The following LRMDA variants were observed in gnomAD, a reference collection of about 807,000 sequenced individuals.
LRMDA encodes leucine-rich melanocyte differentiation-associated protein.
A neutral mutation model predicts 29.8 loss-of-function variants in LRMDA; 18 were observed. The ratio of observed to expected loss-of-function variants is 0.60; its 90% CI spans 0.42 to 0.90. The LOEUF (loss-of-function observed/expected upper bound fraction) is 0.90, where lower values mean the gene tolerates loss of function less well. Ranked by LOEUF, LRMDA falls within the 40% of genes least tolerant of loss-of-function variation. LRMDA has a pLI of 0.00. For missense variants in LRMDA, 273 were observed against 273.9 expected (o/e 1.00, Z 0.02); for synonymous variants, 125 against 109.4 (o/e 1.14, Z -0.89).
chr10:76,077,258 T>C (rs59547800), intron 5 of LRMDA, among the ~76,000 whole-genome samples: 6,927 of 152,282 alleles, frequency 0.045, 532 homozygotes, highest in African/African-American at 0.16. Flanking sequence ...TTAGAGGTGA[T>C]GGCGACCAGA....
At chr10:76,145,874 G>T (rs560606214) in intron 5 of LRMDA, among the ~76,000 whole-genome samples, 6 of 151,208 alleles carry the variant, frequency 4.0e-5, no homozygotes, top group African/African-American at 1.5e-4. Context: ...GTGTCCCAGA[G>T]ATTCTGGTAT....
intron 5 of LRMDA, among the ~76,000 whole-genome samples, chr10:76,281,750 T>C (rs1840209092): frequency 6.6e-6 from 1 of 152,192 alleles, no homozygotes; most frequent in Admixed American, 6.5e-5. Context: ...CTCCCAATGC[T>C]GCCTCCACTA....
intron 5 of LRMDA, among the ~76,000 whole-genome samples, chr10:76,098,260 C>A (rs190924476): frequency 6.6e-6 from 1 of 152,110 alleles, no homozygotes; most frequent in Non-Finnish European, 1.5e-5. Flanking sequence ...GTAGAATTCA[C>A]TAGCAAATAT....
At chr10:75,600,440 C>A (rs576320059) in intron 2 of LRMDA, among the ~76,000 whole-genome samples, 1 of 152,238 alleles carries the variant, frequency 6.6e-6, no homozygotes, top group Non-Finnish European at 1.5e-5. Flanking sequence ...GGATCAGATA[C>A]ATCATCCTCC....
rs888212598 is a variant in LRMDA at position 75,782,935 on chromosome 10, C to T, written c.132-253073C>T. 8 of 1,612,882 alleles carry T rather than the reference C, an allele frequency of 5.0e-6. No homozygotes were observed. In the African/African-American group the frequency reaches 1.1e-4, roughly 22 times the overall value. ...CAACAGTGGCATCTGCTCAGTGTAG[C>T]CATCAAGAATTTGAATGTCAATATC... On this transcript the variant is annotated intron_variant, in intron 2 of 6. Transcript: ENST00000611255.
intron 5 of LRMDA, among the ~76,000 whole-genome samples, chr10:76,274,462 G>A (rs1329854175): frequency 2.0e-5 from 3 of 152,160 alleles, no homozygotes; most frequent in African/African-American, 7.2e-5. Context: ...GGTAATGCAT[G>A]GCCAGGCATT....
intron 2 of LRMDA, among the ~76,000 whole-genome samples, chr10:75,689,408 T>C (rs1842118657): frequency 6.6e-6 from 1 of 152,196 alleles, no homozygotes; most frequent in African/African-American, 2.4e-5. Flanking sequence ...ACCTGATTAT[T>C]CTCTAGGTTG....
intron 2 of LRMDA, among the ~76,000 whole-genome samples, chr10:75,894,143 A>G (rs1464826471): frequency 6.6e-6 from 1 of 152,072 alleles, no homozygotes; most frequent in Admixed American, 6.6e-5. Context: ...AGCAGTATAC[A>G]CTGCATCCTA....
intron 6 of LRMDA, among the ~76,000 whole-genome samples, chr10:76,326,233 A>G (rs1445309537): frequency 1.3e-5 from 2 of 152,226 alleles, no homozygotes; most frequent in Non-Finnish European, 1.5e-5. Flanking sequence ...GAACTGATCT[A>G]TGTAGGAGAA....
At chr10:75,921,205 C>T (rs1468294570) in intron 2 of LRMDA, among the ~76,000 whole-genome samples, 1 of 152,156 alleles carries the variant, frequency 6.6e-6, no homozygotes, top group Non-Finnish European at 1.5e-5. Context: ...CATTACCTTC[C>T]TCAAATAGGT....
intron 6 of LRMDA, 39 bp from the exon 7 acceptor site, chr10:76,557,170 G>T: frequency 6.6e-7 from 1 of 1,524,038 alleles, no homozygotes; most frequent in Non-Finnish European, 9.1e-7. Flanking sequence ...GCTATGCTAA[G>T]TGTGCCACCT....
At chr10:76,377,727 A>T (rs532038255) in intron 6 of LRMDA, among the ~76,000 whole-genome samples, 1 of 152,222 alleles carries the variant, frequency 6.6e-6, no homozygotes, top group South Asian at 2.1e-4. Flanking sequence ...GTTCTGTTGC[A>T]TTGATTGATG....
chr10:75,611,299 A>G (rs1469574205), intron 2 of LRMDA, among the ~76,000 whole-genome samples: 1 of 152,190 alleles, frequency 6.6e-6, no homozygotes, highest in Non-Finnish European at 1.5e-5. Flanking sequence ...CAGGACCTTG[A>G]TCGGAGTCCA....
chr10:76,022,831 C>A (rs945348537), intron 2 of LRMDA, among the ~76,000 whole-genome samples: 1 of 152,148 alleles, frequency 6.6e-6, no homozygotes, highest in Non-Finnish European at 1.5e-5. Flanking sequence ...TGTTAGGGTA[C>A]CTTTCTATTC....
chr10:75,535,911 T>C (rs1839938880), intron 2 of LRMDA, among the ~76,000 whole-genome samples: 1 of 152,196 alleles, frequency 6.6e-6, no homozygotes, highest in Non-Finnish European at 1.5e-5. Context: ...TTCTGAGCCA[T>C]CTGTGCCATT....
intron 2 of LRMDA, among the ~76,000 whole-genome samples, chr10:75,599,799 T>G (rs1218015172): frequency 6.6e-6 from 1 of 152,134 alleles, no homozygotes; most frequent in Non-Finnish European, 1.5e-5. Flanking sequence ...TAATTAACAT[T>G]GAAATAGCCA....
At chr10:75,818,594 C>T (rs1844100422) in intron 2 of LRMDA, among the ~76,000 whole-genome samples, 1 of 152,210 alleles carries the variant, frequency 6.6e-6, no homozygotes, top group Admixed American at 6.5e-5. Context: ...CCCAGCCCTA[C>T]CTTCAACATC....
intron 2 of LRMDA, among the ~76,000 whole-genome samples, chr10:75,539,765 G>T (rs1453982914): frequency 6.6e-6 from 1 of 152,044 alleles, no homozygotes; most frequent in African/African-American, 2.4e-5. Flanking sequence ...TTTTGTTATT[G>T]TTGATGTATT....
intron 5 of LRMDA, among the ~76,000 whole-genome samples, chr10:76,074,699 T>C (rs1197215807): frequency 6.6e-6 from 1 of 152,306 alleles, no homozygotes; most frequent in East Asian, 1.9e-4. Context: ...GTAGCCCACC[T>C]GAATTGTTCA....
Sources: allele counts gnomAD v4.1 joint callset (sites outside exome capture counted in the v4.1 genomes callset), GRCh38; gene constraint gnomAD v4.1.1; transcripts MANE v1.5; gene names NCBI Gene and HGNC (gene_info 2026-07-23, HGNC 2026-07-21).